PIK3CB: variants seen among roughly 807,000 people sequenced by gnomAD.
The protein encoded by PIK3CB is phosphatidylinositol-4,5-bisphosphate 3-kinase catalytic subunit beta, also known as phosphatidylinositol 4,5-bisphosphate 3-kinase catalytic subunit beta isoform.
A neutral mutation model predicts 136.8 loss-of-function variants in PIK3CB; 39 were observed. The observed-to-expected ratio is 0.29, with a 90% CI of 0.22 to 0.37. The LOEUF is 0.37. PIK3CB is among the 10% of genes least tolerant of loss of function. The pLI is 1.00. For synonymous variants in PIK3CB, 428 were observed against 436.6 expected (o/e 0.98, Z 0.25); for missense variants, 868 against 1,275.4 (o/e 0.68, Z 4.87).
intron 6 of PIK3CB, among the ~76,000 whole-genome samples, chr3:138,737,268 C>G (rs902158560): frequency 2.6e-5 from 4 of 151,630 alleles, no homozygotes; most frequent in African/African-American, 9.7e-5. Flanking sequence ...TGGCGCACAC[C>G]TGTAATCCCA....
At chr3:138,713,532 G>A (rs1184360123) in intron 9 of PIK3CB, among the ~76,000 whole-genome samples, 3 of 151,966 alleles carry the variant, frequency 2.0e-5, no homozygotes, top group African/African-American at 7.2e-5. Flanking sequence ...TTAGCTGAGT[G>A]TGGTAACGGG....
intron 21 of PIK3CB, among the ~76,000 whole-genome samples, chr3:138,662,344 G>A (rs1478345908): frequency 4.9e-5 from 7 of 142,872 alleles, no homozygotes; most frequent in Admixed American, 3.6e-4. Context: ...TCCCATCTAT[G>A]AGTGAGAACA....
At chr3:138,834,200 G>T (rs1195184670) in intron 1 of PIK3CB, among the ~76,000 whole-genome samples, 8 of 152,208 alleles carry the variant, frequency 5.3e-5, no homozygotes, top group Non-Finnish European at 1.0e-4. Flanking sequence ...GGATATTTTG[G>T]CCCAAGGCCC....
chr3:138,746,542 T>C (rs2045358111), intron 4 of PIK3CB, among the ~76,000 whole-genome samples: 1 of 151,936 alleles, frequency 6.6e-6, no homozygotes, highest in South Asian at 2.1e-4. Context: ...GGACCTGTAG[T>C]CCCAGCTCCT....
intron 16 of PIK3CB, 96 bp from the exon 17 acceptor site, chr3:138,684,899 T>G (rs920566691): frequency 8.9e-6 from 7 of 786,294 alleles, no homozygotes; most frequent in African/African-American, 5.3e-5. Context: ...TCCCAACATA[T>G]ACACATAACC....
intron 2 of PIK3CB, among the ~76,000 whole-genome samples, chr3:138,793,651 TTG>T (rs10576648): frequency 0.49 from 73,877 of 150,962 alleles, 20,526 homozygotes; most frequent in East Asian, 0.98. Context: ...AATGAGCTGA[TTG>T]TGTTTGAGGA....
chr3:138,679,206 A>T (rs2043711141), intron 19 of PIK3CB, among the ~76,000 whole-genome samples: 1 of 152,240 alleles, frequency 6.6e-6, no homozygotes, highest in Non-Finnish European at 1.5e-5. Flanking sequence ...ACAAATCAAA[A>T]CTGAAGTTTA....
chr3:138,798,164 C>A (rs1559882764), intron 1 of PIK3CB, among the ~76,000 whole-genome samples: 1 of 151,658 alleles, frequency 6.6e-6, no homozygotes, highest in African/African-American at 2.4e-5. Flanking sequence ...ATTTATTTAT[C>A]TTTTTTTTCT....
At chr3:138,747,054 TTATATATATATA>T (rs59299476) in intron 4 of PIK3CB, among the ~76,000 whole-genome samples, 147 of 42,188 alleles carry the variant, frequency 3.5e-3, no homozygotes, top group Non-Finnish European at 4.4e-3. Context: ...TATTCAGCCT[TTATATATATATA>T]TATATATATA....
intron 1 of PIK3CB, among the ~76,000 whole-genome samples, chr3:138,797,952 CA>C (rs56041364): frequency 6.8e-6 from 1 of 147,728 alleles, no homozygotes; most frequent in African/African-American, 2.5e-5. Flanking sequence ...GACCCTGTCT[CA>C]AAAAAAAAGA....
chr3:138,720,264 A>G (rs1033882559), intron 8 of PIK3CB, among the ~76,000 whole-genome samples: 1 of 152,142 alleles, frequency 6.6e-6, no homozygotes, highest in African/African-American at 2.4e-5. Context: ...GCACCTCCAA[A>G]TCACTAATTA....
rs184893625 is a variant in PIK3CB, at chr3:138,766,444, G to A, written c.-16-7085C>T. 3.3e-5 allele frequency among the ~76,000 whole-genome samples: 5 copies of A among 152,092 alleles called. No individual in the cohort carries two copies. In the East Asian group the frequency reaches 9.6e-4, roughly 29 times the overall value. On this transcript the variant is annotated intron_variant, in intron 2 of 23. Coordinates refer to ENST00000674063, the MANE Select transcript of PIK3CB (RefSeq NM_006219.3). ...TTAAATGTCTTAAAATTTTTTTAATGGCAAAATACACTGCAAAGGCTAAGT... is the reference window on the plus strand; with the variant it reads ...TTAAATGTCTTAAAATTTTTTTAATAGCAAAATACACTGCAAAGGCTAAGT...
intron 19 of PIK3CB, among the ~76,000 whole-genome samples, chr3:138,679,442 AGAGCCACTG>A (rs1178602350): frequency 6.6e-6 from 1 of 152,180 alleles, no homozygotes; most frequent in African/African-American, 2.4e-5. Flanking sequence ...ATTACAAGCA[AGAGCCACTG>A]TATCCAGCTG....
chr3:138,781,782 A>G (rs1285230949), intron 2 of PIK3CB, among the ~76,000 whole-genome samples: 1 of 152,006 alleles, frequency 6.6e-6, no homozygotes, highest in Non-Finnish European at 1.5e-5. Flanking sequence ...TAGCCAGGTG[A>G]GGGGGTGCAC....
At chr3:138,722,941 G>A (rs752460651) in intron 8 of PIK3CB, among the ~76,000 whole-genome samples, 1 of 151,900 alleles carries the variant, frequency 6.6e-6, no homozygotes, top group Non-Finnish European at 1.5e-5. Context: ...ATTAAGATTA[G>A]TTCTGCTTGA....
chr3:138,745,361 C>T (rs1482401048), intron 4 of PIK3CB, among the ~76,000 whole-genome samples: 1 of 152,124 alleles, frequency 6.6e-6, no homozygotes, highest in Non-Finnish European at 1.5e-5. Context: ...GTGGCTCACA[C>T]CTATAATCCT....
At chr3:138,669,440 T>C (rs1307589007) in intron 19 of PIK3CB, among the ~76,000 whole-genome samples, 2 of 138,372 alleles carry the variant, frequency 1.4e-5, no homozygotes, top group Non-Finnish European at 3.1e-5. Flanking sequence ...GGGGGGGATG[T>C]AAAATGTAAA....
intron 1 of PIK3CB, among the ~76,000 whole-genome samples, chr3:138,812,804 C>T (rs1933131050): frequency 6.6e-6 from 1 of 152,138 alleles, no homozygotes; most frequent in Non-Finnish European, 1.5e-5. Context: ...GCTGGGATTA[C>T]AGGTGTAAGC....
Position 138,734,794 on chromosome 3 carries a change from T to C in PIK3CB, c.812A>G (p.Asn271Ser), listed in dbSNP as rs964732148. The change falls in exon 7 of 24, where the codon AAC becomes AGC. Residue 271 changes from asparagine to serine, a missense_variant. By Grantham distance (46) the Asn-to-Ser change is conservative (BLOSUM62 1). Transcript: ENST00000674063. ...HPLIQFQYIRNCVMNRALPHF... is the reference protein window; with the variant it reads ...HPLIQFQYIRSCVMNRALPHF... The stretch of plus-strand genomic sequence containing the variant: ...GGGCAGGGCTCTGTTCATCACACAG[T>C]TCCGGATATACTATAGGGGCAAGAA... The C allele has an allele frequency of 2.5e-6, 4 of 1,608,448 alleles. No individual in the cohort carries two copies. Among genetic ancestry groups the C allele is most frequent in the Non-Finnish European group, 3.4e-6 (4 of 1,177,174 alleles).
Sources: gnomAD v4.1 joint callset for allele counts (sites outside exome capture counted in the v4.1 genomes callset) on GRCh38, gnomAD v4.1.1 for gene constraint, MANE v1.5 for transcripts, NCBI Gene and HGNC (gene_info 2026-07-23, HGNC 2026-07-21) for gene names.